Variants in KLF8 observed in about 807,000 individuals in gnomAD.
KLF8 encodes Krueppel-like factor 8.
Under a neutral mutation model 18.2 loss-of-function variants are expected in KLF8, and 10 were observed. The observed-to-expected ratio is 0.55, with a 90% confidence interval of 0.34 to 0.93. The LOEUF is 0.93. KLF8 is among the 40% of genes least tolerant of loss of function. KLF8 has a pLI of 0.02. For synonymous variants in KLF8, 109 were observed against 97.3 expected, an observed-to-expected ratio of 1.12 and a Z score of -0.71; for missense variants, 264 against 277.9, an observed-to-expected ratio of 0.95 and a Z score of 0.36.
chrX:56,124,331 A>G, the KLF8 span, among the ~76,000 whole-genome samples: 1 of 111,830 alleles, frequency 8.9e-6, no homozygotes, highest in African/African-American at 3.2e-5. Context: ...TTTCACATAT[A>G]TTAGAACCTC....
At chrX:55,978,565 C>T in the KLF8 span, among the ~76,000 whole-genome samples, 58,177 of 110,604 alleles carry the variant, frequency 0.53, 13,645 homozygotes, top group East Asian at 0.75. Flanking sequence ...GTGAAAGTAG[C>T]CACAACCAGT....
At chrX:56,047,098 G>A in the KLF8 span, among the ~76,000 whole-genome samples, 1 of 108,249 alleles carries the variant, frequency 9.2e-6, no homozygotes, top group African/African-American at 3.4e-5. Flanking sequence ...GGGTTAATTT[G>A]AAAGCCTTGT....
chrX:55,948,035 T>C, the KLF8 span, among the ~76,000 whole-genome samples: 29 of 112,198 alleles, frequency 2.6e-4, no homozygotes. Context: ...AATATTTGCA[T>C]ACATTTTTGG....
upstream of KLF8, among the ~76,000 whole-genome samples, chrX:56,231,912 T>A (rs1261670687): frequency 1.8e-5 from 2 of 110,557 alleles, no homozygotes; most frequent in African/African-American, 6.6e-5. Flanking sequence ...CCTCACCTCC[T>A]TGGCTTATCT....
the KLF8 span, among the ~76,000 whole-genome samples, chrX:55,990,485 T>C: frequency 8.9e-6 from 1 of 112,410 alleles, no homozygotes. Flanking sequence ...GAGCAGGTTG[T>C]TCAGTTTACA....
At chrX:56,049,037 G>T in the KLF8 span, among the ~76,000 whole-genome samples, 4 of 111,434 alleles carry the variant, frequency 3.6e-5, no homozygotes, top group Non-Finnish European at 5.7e-5. Flanking sequence ...AATTTTGAAT[G>T]GGAGTTCACT....
At chrX:56,165,257 C>T in the KLF8 span, among the ~76,000 whole-genome samples, 2 of 111,792 alleles carry the variant, frequency 1.8e-5, no homozygotes, top group Non-Finnish European at 1.9e-5. Context: ...CTATACATTG[C>T]TTTGGGCAGT....
chrX:56,077,060 G>C, the KLF8 span, among the ~76,000 whole-genome samples: 1 of 111,458 alleles, frequency 9.0e-6, no homozygotes, highest in Admixed American at 9.5e-5. Context: ...CAGATGAGTA[G>C]GTTACAAAAA....
At chrX:56,107,717 G>A in the KLF8 span, among the ~76,000 whole-genome samples, 2 of 111,165 alleles carry the variant, frequency 1.8e-5, no homozygotes, top group Non-Finnish European at 3.8e-5. Context: ...GTCGCCCTCC[G>A]TGTGCTGCAC....
the KLF8 span, among the ~76,000 whole-genome samples, chrX:56,163,538 G>T: frequency 8.9e-6 from 1 of 111,958 alleles, no homozygotes; most frequent in Non-Finnish European, 1.9e-5. Context: ...CTCCCAATCT[G>T]TAATTCTGTT....
chrX:55,940,746 C>A, the KLF8 span, among the ~76,000 whole-genome samples: 2 of 111,052 alleles, frequency 1.8e-5, no homozygotes, highest in African/African-American at 6.5e-5. Flanking sequence ...AGACAGAGAG[C>A]CAAATCATGA....
chrX:56,146,318 C>T, the KLF8 span, among the ~76,000 whole-genome samples: 5 of 111,820 alleles, frequency 4.5e-5, 1 homozygote, highest in Admixed American at 3.8e-4. Flanking sequence ...AACTCAAATG[C>T]CCATCAATGA....
chrX:56,075,496 A>G, the KLF8 span, among the ~76,000 whole-genome samples: 2 of 112,118 alleles, frequency 1.8e-5, no homozygotes, highest in African/African-American at 6.5e-5. Flanking sequence ...CCACTCAAGA[A>G]TTTATGCTTT....
the KLF8 span, among the ~76,000 whole-genome samples, chrX:56,193,231 C>T: frequency 8.9e-6 from 1 of 112,177 alleles, no homozygotes; most frequent in East Asian, 2.8e-4. Context: ...GCTCAACATC[C>T]CTGATCATCA....
At chrX:56,163,752 A>G in the KLF8 span, among the ~76,000 whole-genome samples, 3 of 112,136 alleles carry the variant, frequency 2.7e-5, no homozygotes, top group African/African-American at 6.5e-5. Flanking sequence ...TAAGTCTGTA[A>G]TCCATCTTGA....
At chrX:55,967,248 T>C in the KLF8 span, among the ~76,000 whole-genome samples, 9,700 of 111,320 alleles carry the variant, frequency 0.087, 1,021 homozygotes, top group African/African-American at 0.3. Context: ...AAGATATTAA[T>C]ATCCAAGTAC....
At chrX:56,250,447 A>C in intron 2 of KLF8, 143 bp downstream of exon 2, 1 of 472,444 alleles carries the variant, frequency 2.1e-6, no homozygotes. Flanking sequence ...TATTTCTAGA[A>C]AGTATATGAA....
chrX:56,084,397 C>G, the KLF8 span, among the ~76,000 whole-genome samples: 1 of 109,599 alleles, frequency 9.1e-6, no homozygotes, highest in Admixed American at 9.7e-5. Context: ...AACAAACAAA[C>G]AAAACAAACA....
At chrX:56,164,729 C>CTTTTTTTTTTTTTTTTTTATT in the KLF8 span, among the ~76,000 whole-genome samples, 1 of 51,917 alleles carries the variant, frequency 1.9e-5, no homozygotes, top group African/African-American at 8.6e-5. Context: ...CTTGTTATCT[C>CTTTTTTTTTTTTTTTTTTATT]TTTTTTTTTT....
Sources: gnomAD v4.1 joint callset for allele counts (sites outside exome capture counted in the v4.1 genomes callset) on GRCh38, gnomAD v4.1.1 for gene constraint, MANE v1.5 for transcripts, NCBI Gene and HGNC (gene_info 2026-07-23, HGNC 2026-07-21) for gene names.